ROR2: variants seen among roughly 807,000 people sequenced by gnomAD.
ROR2 encodes the protein tyrosine-protein kinase transmembrane receptor ROR2.
In ROR2, 33 loss-of-function variants were observed where a neutral mutation model predicts 74.9. That is an observed-to-expected ratio of 0.44 (90% CI 0.33 to 0.59). The LOEUF is 0.59. ROR2 is among the 20% of genes least tolerant of loss of function. The probability of loss-of-function intolerance (pLI) is 0.02; values close to 1 mark genes in which losing one functional copy is unlikely to be tolerated. For synonymous variants in ROR2, 586 were observed against 558.7 expected (o/e 1.05, Z -0.69); for missense variants, 1,216 against 1,313.8 (o/e 0.93, Z 1.15).
Position 91,773,117 on chromosome 9 carries a change from G to A in ROR2, c.175+2624C>T, listed in dbSNP as rs557671044. ...CTCCCATCCCACATGCAGTCCCAGG[G>A]CCCCTGCAGCCCTCTGCTCCAGAAG... On this transcript the variant is annotated intron_variant, in intron 2 of 8. Transcript: ENST00000375708. 2.0e-5 allele frequency among the ~76,000 whole-genome samples: 3 copies of A among 152,240 alleles called. No homozygotes were observed. The East Asian group carries it at 5.8e-4, about 29-fold the overall frequency.
intron 1 of ROR2, among the ~76,000 whole-genome samples, chr9:91,777,758 A>T (rs1442478444): frequency 6.6e-6 from 1 of 152,158 alleles, no homozygotes; most frequent in African/African-American, 2.4e-5. Flanking sequence ...CTATGGATTT[A>T]CCTATTCTGG....
chr9:91,746,857 GGT>G (rs57891940), intron 4 of ROR2, among the ~76,000 whole-genome samples: 21,778 of 149,834 alleles, frequency 0.15, 1,633 homozygotes, highest in South Asian at 0.23. Flanking sequence ...TCCTTGAGCA[GGT>G]GTGTGTGTGT....
chr9:91,901,478 T>C (rs1337395230), intron 1 of ROR2, among the ~76,000 whole-genome samples: 2 of 152,150 alleles, frequency 1.3e-5, no homozygotes, highest in African/African-American at 4.8e-5. Flanking sequence ...TCATTTCAAA[T>C]GTGGGCTCAG....
chr9:91,839,251 GGTGT>G (rs56134220), intron 1 of ROR2, among the ~76,000 whole-genome samples: 5,338 of 107,562 alleles, frequency 0.05, 109 homozygotes, highest in Non-Finnish European at 0.062. Flanking sequence ...TCAGATCGGG[GGTGT>G]GTGTGTGTGT....
At chr9:91,865,486 G>A (rs1174908700) in intron 1 of ROR2, among the ~76,000 whole-genome samples, 1 of 152,206 alleles carries the variant, frequency 6.6e-6, no homozygotes, top group African/African-American at 2.4e-5. Flanking sequence ...AGTCAACATA[G>A]GGAAGGGAGA....
intron 1 of ROR2, among the ~76,000 whole-genome samples, chr9:91,818,594 C>T (rs1026837440): frequency 5.3e-5 from 8 of 152,104 alleles, no homozygotes; most frequent in African/African-American, 1.9e-4. Flanking sequence ...TCTGAGGTGG[C>T]CGAGAGGAAG....
intron 1 of ROR2, among the ~76,000 whole-genome samples, chr9:91,844,981 G>A (rs1267005389): frequency 6.6e-6 from 1 of 152,130 alleles, no homozygotes; most frequent in Non-Finnish European, 1.5e-5. Flanking sequence ...GCAAAAGATT[G>A]CCAGACAAAG....
chr9:91,898,142 C>G (rs1830585633), intron 1 of ROR2, among the ~76,000 whole-genome samples: 1 of 152,198 alleles, frequency 6.6e-6, no homozygotes, highest in Non-Finnish European at 1.5e-5. Context: ...AAGAAAGTCT[C>G]AAGTGGCTTT....
intron 1 of ROR2, among the ~76,000 whole-genome samples, chr9:91,895,131 T>TTA (rs1289271783): frequency 6.6e-6 from 1 of 152,162 alleles, no homozygotes; most frequent in East Asian, 1.9e-4. Flanking sequence ...TAGAGCAAAC[T>TTA]TAAATGCCAA....
In ROR2 at chr9:91,858,441, CCA is replaced by C. The variant is rs573652145; in HGVS notation, c.98-82625_98-82624del. Among the ~76,000 whole-genome samples, 392 of 152,294 alleles carry C rather than the reference CCA, an allele frequency of 2.6e-3. 1 individual carries two copies. Among genetic ancestry groups the C allele is most frequent in the African/African-American group, 8.8e-3 (367 of 41,548 alleles). On this transcript the variant is annotated intron_variant, in intron 1 of 8. Coordinates refer to ENST00000375708, the MANE Select transcript of ROR2 (RefSeq NM_004560.4). Reference sequence around the variant, plus strand: ...CACAGGCGCGCACAGGGCACACACCCCACAGAGCAGTGGTTCTCAAAGTGCCC... The same window carrying C: ...CACAGGCGCGCACAGGGCACACACCCCAGAGCAGTGGTTCTCAAAGTGCCC...
chr9:91,752,701 T>C (rs1443781546), intron 4 of ROR2, among the ~76,000 whole-genome samples: 1 of 152,200 alleles, frequency 6.6e-6, no homozygotes, highest in Admixed American at 6.5e-5. Context: ...ATACTTAAGA[T>C]GTGTGCATTT....
At chr9:91,828,492 T>G (rs994503466) in intron 1 of ROR2, among the ~76,000 whole-genome samples, 1 of 152,200 alleles carries the variant, frequency 6.6e-6, no homozygotes, top group Non-Finnish European at 1.5e-5. Context: ...AGTGGGTGGA[T>G]TACTCGAGTT....
chr9:91,844,619 A>G (rs967387783), intron 1 of ROR2, among the ~76,000 whole-genome samples: 5 of 152,208 alleles, frequency 3.3e-5, no homozygotes, highest in Non-Finnish European at 7.3e-5. Context: ...GAACTTGCTC[A>G]AAGTTGTCCT....
At chr9:91,790,763 G>A (rs911238101) in intron 1 of ROR2, among the ~76,000 whole-genome samples, 26 of 152,178 alleles carry the variant, frequency 1.7e-4, no homozygotes, top group Non-Finnish European at 3.4e-4. Flanking sequence ...ACCCTGCAGT[G>A]GGACAAGATG....
At chr9:91,921,244 A>G (rs570624003) in intron 1 of ROR2, among the ~76,000 whole-genome samples, 7 of 152,392 alleles carry the variant, frequency 4.6e-5, no homozygotes, top group Admixed American at 1.3e-4. Flanking sequence ...CCATATCAAC[A>G]AAGAAGTGGC....
chr9:91,904,923 C>CTGTG (rs1830773511), intron 1 of ROR2, among the ~76,000 whole-genome samples: 1 of 152,022 alleles, frequency 6.6e-6, no homozygotes, highest in African/African-American at 2.4e-5. Flanking sequence ...GCACACACAC[C>CTGTG]ACACACACAG....
chr9:91,912,805 G>A (rs78819566), intron 1 of ROR2, among the ~76,000 whole-genome samples: 10,782 of 152,172 alleles, frequency 0.071, 574 homozygotes, highest in African/African-American at 0.14. Flanking sequence ...CTAATCTTAA[G>A]ACCATAAAAA....
At chr9:91,906,175 G>C (rs891067303) in intron 1 of ROR2, among the ~76,000 whole-genome samples, 1 of 152,178 alleles carries the variant, frequency 6.6e-6, no homozygotes, top group Non-Finnish European at 1.5e-5. Flanking sequence ...GGAGGTGGCA[G>C]GGCTGAGGGG....
At chr9:91,934,669 T>C (rs1831636475) in intron 1 of ROR2, among the ~76,000 whole-genome samples, 1 of 150,798 alleles carries the variant, frequency 6.6e-6, no homozygotes, top group Non-Finnish European at 1.5e-5. Context: ...GTTGGTCAAC[T>C]ATGAGAAACT....
Sources: gnomAD v4.1 joint callset for allele counts (sites outside exome capture counted in the v4.1 genomes callset) on GRCh38, gnomAD v4.1.1 for gene constraint, MANE v1.5 for transcripts, NCBI Gene and HGNC (gene_info 2026-07-23, HGNC 2026-07-21) for gene names.